ETV6: variants seen among roughly 807,000 people sequenced by gnomAD.
ETV6 encodes ETS variant transcription factor 6.
A neutral mutation model predicts 51.1 loss-of-function variants in ETV6; 16 were observed. That is an observed-to-expected ratio of 0.31 (90% CI 0.21 to 0.48). The LOEUF is 0.48. Among genes scored for constraint, ETV6 ranks in the 20% least tolerant of loss-of-function variants. The pLI is 0.99. For synonymous variants in ETV6, 240 were observed against 224.1 expected (o/e 1.07, Z -0.64); for missense variants, 458 against 594.8 (o/e 0.77, Z 2.39).
In ETV6 at chr12:11,790,097, C is replaced by T. The variant is rs560873519; in HGVS notation, c.163+37518C>T. On this transcript the variant is annotated intron_variant, in intron 2 of 7. Transcript: ENST00000396373. ...GATTCCTCAACCTTTTTTGTCAGCA[C>T]TTCTTTTTTTTTTGTTTCTGATATC... is the stretch of plus-strand genomic sequence containing the variant. Among the ~76,000 whole-genome samples the T allele has an allele frequency of 2.3e-4, 7 of 29,794 alleles. No individual in the cohort carries two copies. In the South Asian group the frequency reaches 6.2e-3, roughly 26 times the overall value. The allele number at this position is 29,794 out of a possible 152,430, so 19.5% of individuals were successfully genotyped here.
intron 1 of ETV6, among the ~76,000 whole-genome samples, chr12:11,731,445 T>C (rs923152757): frequency 1.3e-5 from 2 of 152,234 alleles, no homozygotes; most frequent in African/African-American, 4.8e-5. Flanking sequence ...TGTTTCTCCT[T>C]AATATTTATA....
chr12:11,816,427 G>T (rs187698472), intron 2 of ETV6, among the ~76,000 whole-genome samples: 1,586 of 152,054 alleles, frequency 0.01, 34 homozygotes, highest in African/African-American at 0.037. Context: ...TTGTATTTTT[G>T]GTAGAGACGG....
intron 1 of ETV6, among the ~76,000 whole-genome samples, chr12:11,650,503 C>A (rs2856306): frequency 0.84 from 101,056 of 119,714 alleles, 44,059 homozygotes; most frequent in South Asian, 0.97. Context: ...AAACAAAAAA[C>A]AAAAAAAAAA....
chr12:11,825,685 A>G (rs1229415988), intron 2 of ETV6: 1 of 152,242 alleles, frequency 6.6e-6, no homozygotes, highest in Admixed American at 6.5e-5. Flanking sequence ...TTGGCAGCCA[A>G]CATTCAGCCA....
At chr12:11,686,985 A>G (rs1274119310) in intron 1 of ETV6, among the ~76,000 whole-genome samples, 1 of 152,076 alleles carries the variant, frequency 6.6e-6, no homozygotes, top group South Asian at 2.1e-4. Flanking sequence ...TTCCAGGTTC[A>G]AGTGATTCTC....
intron 2 of ETV6, among the ~76,000 whole-genome samples, chr12:11,784,205 G>A (rs527990351): frequency 3.6e-4 from 55 of 152,252 alleles, no homozygotes; most frequent in African/African-American, 1.3e-3. Flanking sequence ...CAAGGTGGGC[G>A]GATCACTTGA....
chr12:11,882,838 C>T (rs529871464), intron 5 of ETV6, among the ~76,000 whole-genome samples: 112 of 152,280 alleles, frequency 7.4e-4, no homozygotes, highest in Non-Finnish European at 1.4e-3. Context: ...TAATATATTC[C>T]AAGTCTCAAC....
chr12:11,756,302 A>G (rs146771985), intron 2 of ETV6, among the ~76,000 whole-genome samples: 1 of 152,266 alleles, frequency 6.6e-6, no homozygotes, highest in East Asian at 1.9e-4. Context: ...GTGCCCTTCA[A>G]CAGTCCTACA....
At chr12:11,741,776 C>T (rs1371478098) in intron 1 of ETV6, among the ~76,000 whole-genome samples, 1 of 152,230 alleles carries the variant, frequency 6.6e-6, no homozygotes, top group Non-Finnish European at 1.5e-5. Flanking sequence ...AATAAGGTTT[C>T]TAAAACCTAT....
In ETV6 at chr12:11,893,712, T is replaced by A. The variant is rs1048148317; in HGVS notation, c.*2666T>A. 4.6e-6 allele frequency: 1 copy of A among 215,526 alleles called. No homozygotes were observed. The highest frequency in any genetic ancestry group is 9.3e-6 in the Non-Finnish European group (1 of 107,842). The allele number at this position is 215,526 out of a possible 1,614,324, so 13.4% of individuals were successfully genotyped here. A position where few individuals can be genotyped will look rare whatever the true frequency, so the allele number is the denominator to read the frequency against. ...GATTTCAAATATCATAAAATTACCT[T>A]CAGGCTATGTGTATAAAGTATATAT... On this transcript the variant is annotated 3_prime_UTR_variant, in exon 8 of 8. Coordinates refer to ENST00000396373, the MANE Select transcript of ETV6 (RefSeq NM_001987.5).
chr12:11,817,255 T>G (rs1204362323), intron 2 of ETV6, among the ~76,000 whole-genome samples: 1 of 152,220 alleles, frequency 6.6e-6, no homozygotes. Context: ...TAGTATAATC[T>G]CAATTTATGC....
intron 7 of ETV6, among the ~76,000 whole-genome samples, chr12:11,890,124 ATTTT>A (rs34570955): frequency 3.8e-5 from 5 of 131,062 alleles, no homozygotes; most frequent in East Asian, 2.3e-4. Flanking sequence ...ATTGTAAAAG[ATTTT>A]TTTTTTTTTT....
intron 5 of ETV6, among the ~76,000 whole-genome samples, chr12:11,876,465 G>A (rs548710204): frequency 1.3e-4 from 20 of 152,144 alleles, no homozygotes; most frequent in Non-Finnish European, 5.9e-5. Context: ...AATCTTAAAC[G>A]AACACTTTTC....
intron 1 of ETV6, among the ~76,000 whole-genome samples, chr12:11,650,503 C>CAAA (rs1393080284): frequency 3.3e-5 from 4 of 120,170 alleles, no homozygotes; most frequent in East Asian, 2.6e-4. Flanking sequence ...AAACAAAAAA[C>CAAA]AAAAAAAAAA....
At chr12:11,754,523 C>T (rs948074315) in intron 2 of ETV6, among the ~76,000 whole-genome samples, 2 of 152,228 alleles carry the variant, frequency 1.3e-5, no homozygotes, top group Admixed American at 6.5e-5. Context: ...AACTGGAGGT[C>T]AGGAGATCTT....
At chr12:11,890,159 C>G (rs1947265141) in intron 7 of ETV6, among the ~76,000 whole-genome samples, 1 of 138,048 alleles carries the variant, frequency 7.2e-6, no homozygotes, top group Non-Finnish European at 1.5e-5. Context: ...TCCAATTTTC[C>G]AGAAGCTCCA....
chr12:11,765,225 T>C (rs546173440), intron 2 of ETV6, among the ~76,000 whole-genome samples: 6 of 152,318 alleles, frequency 3.9e-5, no homozygotes, highest in Admixed American at 6.5e-5. Context: ...CCTTGCTCTG[T>C]CTCCTGGTAA....
intron 1 of ETV6, among the ~76,000 whole-genome samples, chr12:11,681,842 A>G (rs1864536583): frequency 6.6e-6 from 1 of 152,144 alleles, no homozygotes; most frequent in Non-Finnish European, 1.5e-5. Flanking sequence ...TTCCTGTGTT[A>G]GTTTGCTGAG....
intron 1 of ETV6, among the ~76,000 whole-genome samples, chr12:11,673,546 G>A (rs920665904): frequency 1.3e-5 from 2 of 152,162 alleles, no homozygotes; most frequent in Admixed American, 1.3e-4. Context: ...GTAATACCAA[G>A]TTTACATAGG....
Sources: allele counts gnomAD v4.1 joint callset (sites outside exome capture counted in the v4.1 genomes callset), GRCh38; gene constraint gnomAD v4.1.1; transcripts MANE v1.5; gene names NCBI Gene and HGNC (gene_info 2026-07-23, HGNC 2026-07-21).